Variants in RBFOX1 observed in about 807,000 individuals in gnomAD.
The protein encoded by RBFOX1 is RNA binding protein fox-1 homolog 1.
In RBFOX1, 8 loss-of-function variants were observed where a neutral mutation model predicts 57.7. That is an observed-to-expected ratio of 0.14 (90% CI 0.08 to 0.25). The LOEUF is 0.25. RBFOX1 is among the 10% of genes least tolerant of loss of function. The pLI is 1.00. For synonymous variants in RBFOX1, 326 were observed against 222.4 expected (o/e 1.47, Z -4.15); for missense variants, 611 against 548.5 (o/e 1.11, Z -1.14).
intron 4 of RBFOX1, among the ~76,000 whole-genome samples, chr16:5,911,909 G>A (rs979474871): frequency 3.3e-5 from 5 of 152,146 alleles, no homozygotes; most frequent in African/African-American, 9.7e-5. Flanking sequence ...TCACCTTGGG[G>A]ATTCGGATTT....
At chr16:6,260,934 G>A (rs1201079522) in intron 1 of RBFOX1, among the ~76,000 whole-genome samples, 1 of 152,166 alleles carries the variant, frequency 6.6e-6, no homozygotes, top group Non-Finnish European at 1.5e-5. Context: ...GAGAAAATGA[G>A]ATAATGTTGC....
chr16:5,567,194 C>G (rs974436035), intron 2 of RBFOX1, among the ~76,000 whole-genome samples: 1 of 152,122 alleles, frequency 6.6e-6, no homozygotes, highest in Admixed American at 6.5e-5. Flanking sequence ...CACCATTTAG[C>G]TGTATCCCAC....
rs1375172429 is a variant in RBFOX1, at chr16:5,385,550, T to TC, written c.220-81661dup. Among the ~76,000 whole-genome samples the TC allele has an allele frequency of 1.1e-4, 17 of 152,252 alleles. No individual in the cohort carries two copies. In the East Asian group the frequency reaches 2.9e-3, roughly 26 times the overall value. On this transcript the variant is annotated intron_variant, in intron 1 of 2. Transcript: ENST00000585867. ...CCTCTCAAAGAATGACATGGCTTTCTCCCCCTTAAATGACCTAGATCAGCC... is the reference window on the plus strand; with the variant it reads ...CCTCTCAAAGAATGACATGGCTTTCTCCCCCCTTAAATGACCTAGATCAGCC...
intron 2 of RBFOX1, among the ~76,000 whole-genome samples, chr16:6,352,259 T>G (rs1342877433): frequency 2.0e-5 from 3 of 152,222 alleles, no homozygotes; most frequent in African/African-American, 7.2e-5. Context: ...CCATCTAGTT[T>G]ATAAATGCTA....
chr16:5,530,933 TAAAAAAAAAAAAAAAAAAAAAA>T (rs59311923), intron 2 of RBFOX1, among the ~76,000 whole-genome samples: 8 of 54,998 alleles, frequency 1.5e-4, no homozygotes, highest in Admixed American at 6.9e-4. Context: ...ACTAAAAATA[TAAAAAAAAAAAAAAAAAAAAAA>T]AAAAAAAAAA....
intron 4 of RBFOX1, among the ~76,000 whole-genome samples, chr16:7,434,232 G>T (rs1295187464): frequency 6.6e-6 from 1 of 152,094 alleles, no homozygotes; most frequent in African/African-American, 2.4e-5. Flanking sequence ...CGCATTTTGG[G>T]ACGCCAAGGC....
intron 4 of RBFOX1, among the ~76,000 whole-genome samples, chr16:7,101,611 T>C (rs1268050336): frequency 6.6e-6 from 1 of 152,130 alleles, no homozygotes; most frequent in Non-Finnish European, 1.5e-5. Flanking sequence ...ATAAAGACTC[T>C]GATGAAAGGT....
At chr16:6,918,302 C>T (rs1213400518) in intron 3 of RBFOX1, among the ~76,000 whole-genome samples, 2 of 147,784 alleles carry the variant, frequency 1.4e-5, no homozygotes, top group Non-Finnish European at 3.0e-5. Flanking sequence ...AAAAAGGAAA[C>T]ACACATTTGG....
chr16:7,071,218 T>G (rs995799632), intron 4 of RBFOX1, among the ~76,000 whole-genome samples: 1 of 152,126 alleles, frequency 6.6e-6, no homozygotes, highest in Non-Finnish European at 1.5e-5. Context: ...TTCTAAAAGC[T>G]TTTATTGAGC....
intron 2 of RBFOX1, among the ~76,000 whole-genome samples, chr16:5,570,794 T>A (rs2046255193): frequency 1.3e-5 from 2 of 149,218 alleles, no homozygotes; most frequent in Non-Finnish European, 3.0e-5. Context: ...GAGCTGAGAT[T>A]GCACCACCGT....
chr16:5,936,684 C>A (rs1200423953), intron 4 of RBFOX1, among the ~76,000 whole-genome samples: 1 of 152,198 alleles, frequency 6.6e-6, no homozygotes, highest in Non-Finnish European at 1.5e-5. Flanking sequence ...GCTCATTCTC[C>A]ACCCAACTTC....
chr16:7,543,391 G>C (rs570727818), intron 5 of RBFOX1, among the ~76,000 whole-genome samples: 21 of 152,320 alleles, frequency 1.4e-4, no homozygotes, highest in African/African-American at 4.8e-4. Context: ...GCCTGGTAAT[G>C]ATCATGGAGA....
chr16:5,804,917 G>A (rs1386791787), intron 3 of RBFOX1, among the ~76,000 whole-genome samples: 11 of 152,132 alleles, frequency 7.2e-5, no homozygotes. Flanking sequence ...AAATGTTTTT[G>A]CCACTACCAG....
At chr16:5,948,266 C>A (rs1051657078) in intron 4 of RBFOX1, among the ~76,000 whole-genome samples, 2 of 152,150 alleles carry the variant, frequency 1.3e-5, no homozygotes, top group African/African-American at 4.8e-5. Context: ...GGCTTTGCTG[C>A]TGCTGATTTG....
intron 4 of RBFOX1, among the ~76,000 whole-genome samples, chr16:7,429,772 G>A (rs943975280): frequency 1.3e-5 from 2 of 152,182 alleles, no homozygotes; most frequent in African/African-American, 2.4e-5. Context: ...ATTTCTTTCT[G>A]TGCTTCCATA....
chr16:7,064,691 C>G (rs1417318485), intron 4 of RBFOX1, among the ~76,000 whole-genome samples: 1 of 152,054 alleles, frequency 6.6e-6, no homozygotes, highest in African/African-American at 2.4e-5. Flanking sequence ...TTACGGTAGC[C>G]CTAGCAAACG....
intron 4 of RBFOX1, among the ~76,000 whole-genome samples, chr16:5,926,996 C>A (rs1378178726): frequency 6.6e-6 from 1 of 152,132 alleles, no homozygotes; most frequent in Non-Finnish European, 1.5e-5. Flanking sequence ...AAACCAGTGT[C>A]CCAAAATGTA....
At chr16:7,245,329 T>G (rs2094246142) in intron 4 of RBFOX1, among the ~76,000 whole-genome samples, 1 of 152,196 alleles carries the variant, frequency 6.6e-6, no homozygotes, top group South Asian at 2.1e-4. Context: ...TTTTTTAAAT[T>G]TTATTTTAGG....
intron 4 of RBFOX1, among the ~76,000 whole-genome samples, chr16:7,236,047 G>T (rs996859543): frequency 1.3e-5 from 2 of 152,140 alleles, no homozygotes; most frequent in African/African-American, 4.8e-5. Flanking sequence ...TAGTTCCTCA[G>T]ATCAAAAAGA....
Sources: allele counts gnomAD v4.1 joint callset (sites outside exome capture counted in the v4.1 genomes callset), GRCh38; gene constraint gnomAD v4.1.1; transcripts MANE v1.5; gene names NCBI Gene and HGNC (gene_info 2026-07-23, HGNC 2026-07-21).